Variants in PLXNA4 observed in about 807,000 individuals in gnomAD.
PLXNA4 encodes the protein plexin A4.
Under a neutral mutation model 191.8 loss-of-function variants are expected in PLXNA4, and 44 were observed. That is an observed-to-expected ratio of 0.23 (90% CI 0.18 to 0.29). The LOEUF is 0.29. Ranked by LOEUF, PLXNA4 falls within the 10% of genes least tolerant of loss-of-function variation. The probability of loss-of-function intolerance (pLI) is 1.00; values close to 1 mark genes in which losing one functional copy is unlikely to be tolerated. For missense variants in PLXNA4, 1,800 were observed against 2,488.8 expected (o/e 0.72, Z 5.89); for synonymous variants, 1,082 against 1,009.5 (o/e 1.07, Z -1.36).
At chr7:132,318,032 C>T (rs1802013383) in intron 3 of PLXNA4, among the ~76,000 whole-genome samples, 1 of 152,184 alleles carries the variant, frequency 6.6e-6, no homozygotes, top group African/African-American at 2.4e-5. Context: ...CCTGAAGACC[C>T]GAGTAACCCG....
chr7:132,392,074 G>C (rs528586311), intron 3 of PLXNA4, among the ~76,000 whole-genome samples: 2 of 152,000 alleles, frequency 1.3e-5, no homozygotes, highest in Non-Finnish European at 2.9e-5. Context: ...GTTGCAGTGA[G>C]CTGAGATCAC....
intron 1 of PLXNA4, among the ~76,000 whole-genome samples, chr7:132,540,569 CT>C (rs71915138): frequency 3.0e-4 from 18 of 61,002 alleles, no homozygotes; most frequent in East Asian, 2.7e-3. Context: ...GTGGACCGTT[CT>C]TTTTTTTTTT....
At position 132,194,951 on chromosome 7, in the gene PLXNA4, C is replaced by A. The variant is rs189788436; in HGVS notation, c.2739-772G>T. On this transcript the variant is annotated intron_variant, in intron 13 of 31. Coordinates refer to ENST00000321063, the MANE Select transcript of PLXNA4 (RefSeq NM_020911.2). ...TATAAATATATATGTGTATATATAT[C>A]TATGTATATATGTATATGTATTCTT... 1.4e-3 allele frequency among the ~76,000 whole-genome samples: 207 copies of A among 151,436 alleles called. 2 individuals carry two copies. The highest frequency in any genetic ancestry group is 4.8e-3 in the African/African-American group (199 of 41,304).
intron 9 of PLXNA4, among the ~76,000 whole-genome samples, chr7:132,219,674 C>T (rs973961892): frequency 2.6e-5 from 4 of 152,112 alleles, no homozygotes; most frequent in Non-Finnish European, 5.9e-5. Flanking sequence ...TTACCCCCTA[C>T]TCCTGCTACT....
intron 4 of PLXNA4, 83 bp from the exon 5 acceptor site, chr7:132,241,249 T>C: frequency 1.1e-6 from 1 of 883,324 alleles, no homozygotes; most frequent in Non-Finnish European, 1.7e-6. Flanking sequence ...GCTCTAAATA[T>C]CAAGTGTATC....
intron 1 of PLXNA4, among the ~76,000 whole-genome samples, chr7:132,512,108 G>A (rs888242654): frequency 3.3e-5 from 5 of 152,196 alleles, no homozygotes; most frequent in African/African-American, 1.2e-4. Context: ...CCCTCAAAAC[G>A]TCTCTGCCAA....
At chr7:132,433,556 C>T (rs574426356) in intron 3 of PLXNA4, among the ~76,000 whole-genome samples, 2 of 152,292 alleles carry the variant, frequency 1.3e-5, no homozygotes, top group East Asian at 3.9e-4. Flanking sequence ...AGAAACACCA[C>T]TGAAAGGAAG....
intron 3 of PLXNA4, among the ~76,000 whole-genome samples, chr7:132,431,278 GT>G (rs1201637336): frequency 6.6e-6 from 1 of 152,122 alleles, no homozygotes; most frequent in Non-Finnish European, 1.5e-5. Flanking sequence ...TGCCAGAGAG[GT>G]GGAAGGGTAG....
chr7:132,221,213 G>A (rs1053204717), intron 9 of PLXNA4, among the ~76,000 whole-genome samples: 2 of 152,032 alleles, frequency 1.3e-5, no homozygotes, highest in Admixed American at 6.5e-5. Context: ...TTAAAAGAAA[G>A]AAATTTGGTA....
intron 4 of PLXNA4, among the ~76,000 whole-genome samples, chr7:132,243,973 C>T (rs918628614): frequency 6.6e-6 from 1 of 152,062 alleles, no homozygotes; most frequent in Non-Finnish European, 1.5e-5. Flanking sequence ...CCATTCATTG[C>T]TCCACACTTT....
chr7:132,465,391 T>C lies in PLXNA4; in HGVS notation c.1371+23901A>G, dbSNP rs551584569. On this transcript the variant is annotated intron_variant, in intron 3 of 31. Transcript: ENST00000321063. ...TGTTTGGCTTCCACATAAGATTTTA[T>C]ACAAAGAAAAGGTTCTGTCTCTAAA... Among the ~76,000 whole-genome samples, 5 of 152,226 alleles carry C rather than the reference T, an allele frequency of 3.3e-5. No individual in the cohort carries two copies. The South Asian group carries it at 6.2e-4, about 19-fold the overall frequency.
At chr7:132,380,148 C>T (rs559263888) in intron 3 of PLXNA4, among the ~76,000 whole-genome samples, 153 of 152,336 alleles carry the variant, frequency 1.0e-3, no homozygotes, top group African/African-American at 3.6e-3. Flanking sequence ...CCCCTTGGGG[C>T]TTCCGGGAAC....
At chr7:132,347,931 A>C (rs1455971176) in intron 3 of PLXNA4, among the ~76,000 whole-genome samples, 3 of 152,164 alleles carry the variant, frequency 2.0e-5, no homozygotes, top group Non-Finnish European at 4.4e-5. Context: ...AGGCATGGGC[A>C]CTATGGTTTG....
intron 3 of PLXNA4, among the ~76,000 whole-genome samples, chr7:132,364,040 G>A (rs2116864351): frequency 6.6e-6 from 1 of 152,330 alleles, no homozygotes; most frequent in South Asian, 2.1e-4. Context: ...TGGTCCCTGG[G>A]CCAGGACCAG....
At chr7:132,575,333 G>A (rs1361984722) in intron 1 of PLXNA4, among the ~76,000 whole-genome samples, 2 of 152,186 alleles carry the variant, frequency 1.3e-5, no homozygotes, top group African/African-American at 4.8e-5. Flanking sequence ...CGTCTGGGGA[G>A]TGATTCTACA....
chr7:132,569,157 C>A (rs920689685), intron 1 of PLXNA4, among the ~76,000 whole-genome samples: 2 of 152,230 alleles, frequency 1.3e-5, no homozygotes, highest in Non-Finnish European at 2.9e-5. Flanking sequence ...TGTGCCTCAC[C>A]ACCACAGACT....
At position 132,181,382 on chromosome 7, in the gene PLXNA4, T is replaced by G; in HGVS notation, c.3491A>C (p.Lys1164Thr). ...CGCCTCCCACCACCCTCACTCCACC[T>G]TTAGGATGATGGGCGTGCCAGGCTT... ...ELKPGTPIIL[K>T]GKNLIPPVAG... is the part of the protein sequence containing the mutation. The change falls in exon 18 of 32, where the codon AAG (lysine) becomes ACG (threonine). Residue 1164 changes from lysine (K) to threonine (T), a missense_variant and splice_region_variant. Transcript: ENST00000321063. 10 of 1,464,260 alleles carry G rather than the reference T, an allele frequency of 6.8e-6. No homozygotes were observed. Among genetic ancestry groups the G allele is most frequent in the Middle Eastern group, 1.9e-4 (1 of 5,306 alleles). The allele number at this position is 1,464,260 out of a possible 1,614,324, so 90.7% of individuals were successfully genotyped here.
intron 26 of PLXNA4, 148 bp downstream of exon 26, chr7:132,148,395 T>A: frequency 8.3e-7 from 1 of 1,198,712 alleles, no homozygotes; most frequent in Non-Finnish European, 1.1e-6. Context: ...GTTTCTTGGC[T>A]GGGAGACACC....
rs564379912 is a variant in PLXNA4, at chr7:132,417,661, G to A, written c.1371+71631C>T. 5.3e-5 allele frequency among the ~76,000 whole-genome samples: 8 copies of A among 150,008 alleles called. No homozygotes were observed. The South Asian group carries it at 1.3e-3, about 24-fold the overall frequency. ...TGTGTGTGAGGGAGAGAGAGAAGGA[G>A]AGAGAGAAAAAGACTGAAAAGGAGA... On this transcript the variant is annotated intron_variant, in intron 3 of 31. Coordinates refer to ENST00000321063, the MANE Select transcript of PLXNA4 (RefSeq NM_020911.2).
Sources: gnomAD v4.1 joint callset for allele counts (sites outside exome capture counted in the v4.1 genomes callset) on GRCh38, gnomAD v4.1.1 for gene constraint, MANE v1.5 for transcripts, NCBI Gene and HGNC (gene_info 2026-07-23, HGNC 2026-07-21) for gene names.